EXT2: variants seen among roughly 807,000 people sequenced by gnomAD.
EXT2 encodes exostosin-2.
A neutral mutation model predicts 81.6 loss-of-function variants in EXT2; 53 were observed. That is an observed-to-expected ratio of 0.65 (90% CI 0.52 to 0.82). The LOEUF is 0.82. Ranked by LOEUF, EXT2 falls within the 40% of genes least tolerant of loss-of-function variation. The pLI, the probability that EXT2 is intolerant of heterozygous loss-of-function variation, is 0.00. For synonymous variants in EXT2, 320 were observed against 340.0 expected (o/e 0.94, Z 0.65); for missense variants, 774 against 910.2 (o/e 0.85, Z 1.93).
intron 7 of EXT2, 123 bp from the exon 8 acceptor site, chr11:44,171,487 AC>A (rs1269888041): frequency 2.8e-6 from 4 of 1,436,956 alleles, no homozygotes; most frequent in Non-Finnish European, 3.9e-6. Flanking sequence ...TGCCCTAGGC[AC>A]CCCCATCCCT....
chr11:44,119,159 T>TACATATATAC (rs1565201246), intron 4 of EXT2, among the ~76,000 whole-genome samples: 1 of 44,386 alleles, frequency 2.3e-5, no homozygotes, highest in Non-Finnish European at 5.4e-5. Flanking sequence ...TATATATATA[T>TACATATATAC]ATATATATAT....
rs578118881 is a variant in EXT2 at position 44,171,045 on chromosome 11, T to G, written c.1174-566T>G. Among the ~76,000 whole-genome samples, 3 of 152,328 alleles carry G rather than the reference T, an allele frequency of 2.0e-5. No individual in the cohort carries two copies. The East Asian group carries it at 5.8e-4, about 29-fold the overall frequency. Reference sequence around the variant, plus strand: ...CATAACCTGACTTAGATATTATAAGTGTTGAGCAAAACAAATCAGACACAG... The same window carrying G: ...CATAACCTGACTTAGATATTATAAGGGTTGAGCAAAACAAATCAGACACAG... On this transcript the variant is annotated intron_variant, in intron 7 of 13. Transcript: ENST00000533608.
intron 2 of EXT2, among the ~76,000 whole-genome samples, chr11:44,108,826 A>G (rs867226958): frequency 6.6e-6 from 1 of 152,134 alleles, no homozygotes; most frequent in African/African-American, 2.4e-5. Context: ...ATGTTCTTTT[A>G]CTATATAACT....
chr11:44,115,577 C>T (rs993038761), intron 4 of EXT2, among the ~76,000 whole-genome samples: 12 of 152,078 alleles, frequency 7.9e-5, no homozygotes, highest in Non-Finnish European at 1.5e-4. Context: ...TGGAAGTGCT[C>T]AGAAGCAGAG....
Position 44,126,875 on chromosome 11 carries a change from T to C in EXT2, c.999T>C (p.Asp333=), listed in dbSNP as rs61733300. The change falls in exon 6 of 14, where the codon GAT becomes GAC. Residue 333 remains aspartate (D), a synonymous_variant. Transcript: ENST00000533608. ...GARLGQAVLS[D]VLQAGCVPVV... ...GGCTGGGCCAGGCAGTATTGAGCGA[T>C]GTGTTACAAGCTGGCTGTGTCCCGG... is the stretch of plus-strand genomic sequence containing the variant. 3.1e-3 allele frequency: 5,014 copies of C among 1,614,210 alleles called. 78 individuals are homozygous for C. In the African/African-American group the frequency reaches 0.04, roughly 13 times the overall value.
chr11:44,190,478 T>A lies in EXT2; in HGVS notation c.1306-7351T>A, dbSNP rs534726650. 3.3e-5 allele frequency among the ~76,000 whole-genome samples: 5 copies of A among 152,342 alleles called. No individual in the cohort carries two copies. The East Asian group carries it at 7.7e-4, about 24-fold the overall frequency. Reference sequence around the variant, plus strand: ...TCCTCTTCTCTTCCTTTCTTCTCTGTCTTCTCATTTTTCTGTTTAGGCAAA... The same window carrying A: ...TCCTCTTCTCTTCCTTTCTTCTCTGACTTCTCATTTTTCTGTTTAGGCAAA... On this transcript the variant is annotated intron_variant, in intron 8 of 13. Coordinates refer to ENST00000533608, the MANE Select transcript of EXT2 (RefSeq NM_207122.2).
In EXT2 at chr11:44,244,510, T is replaced by G. The variant is rs2135284878; in HGVS notation, c.*223T>G. 5.4e-6 allele frequency: 3 copies of G among 550,594 alleles called. No homozygotes were observed. Among genetic ancestry groups the G allele is most frequent in the Non-Finnish European group, 6.5e-6 (2 of 306,536 alleles). The allele number at this position is 550,594 out of a possible 1,614,324, so 34.1% of individuals were successfully genotyped here. A position where few individuals can be genotyped will look rare whatever the true frequency, so the allele number is the denominator to read the frequency against. On this transcript the variant is annotated 3_prime_UTR_variant, in exon 14 of 14. Coordinates refer to ENST00000533608, the MANE Select transcript of EXT2 (RefSeq NM_207122.2). ...CTGTTCTTGTATTTCTTATGATCTC[T>G]GATGGGTTCTTCTCGAAAATGCCAA... is the stretch of plus-strand genomic sequence containing the variant.
chr11:44,105,021 G>C (rs1590544131), intron 1 of EXT2, among the ~76,000 whole-genome samples: 1 of 152,158 alleles, frequency 6.6e-6, no homozygotes, highest in South Asian at 2.1e-4. Context: ...TCTGGTCTTA[G>C]AGAGATATGA....
intron 2 of EXT2, among the ~76,000 whole-genome samples, chr11:44,108,759 CTT>C (rs1053827522): frequency 3.3e-5 from 5 of 152,160 alleles, no homozygotes; most frequent in Non-Finnish European, 5.9e-5. Context: ...AGTACATACT[CTT>C]TTGCTTTTTC....
intron 4 of EXT2, among the ~76,000 whole-genome samples, chr11:44,119,303 AC>A (rs1430593911): frequency 2.6e-5 from 4 of 151,844 alleles, no homozygotes; most frequent in East Asian, 3.9e-4. Context: ...AATTGTACTA[AC>A]GTCTGTGACT....
At chr11:44,166,179 C>A (rs556503215) in intron 7 of EXT2, among the ~76,000 whole-genome samples, 1 of 152,114 alleles carries the variant, frequency 6.6e-6, no homozygotes, top group Admixed American at 6.5e-5. Context: ...AATTATAGAA[C>A]AGTATATAAC....
chr11:44,175,947 A>G (rs766292644), intron 8 of EXT2, among the ~76,000 whole-genome samples: 1 of 152,194 alleles, frequency 6.6e-6, no homozygotes. Context: ...ATCTAAGATC[A>G]TTGGCAAGTT....
intron 7 of EXT2, among the ~76,000 whole-genome samples, chr11:44,167,749 A>G (rs1955013425): frequency 6.6e-6 from 1 of 152,224 alleles, no homozygotes; most frequent in South Asian, 2.1e-4. Flanking sequence ...TGACTCAGAT[A>G]TTGGAGTTTA....
At chr11:44,098,478 A>C (rs1015116775) in intron 1 of EXT2, among the ~76,000 whole-genome samples, 4 of 151,968 alleles carry the variant, frequency 2.6e-5, no homozygotes, top group Non-Finnish European at 5.9e-5. Flanking sequence ...GGATTACCTG[A>C]GGTCAGGAGT....
rs527412972 is a variant in EXT2, at chr11:44,121,548, T to C, written c.744-3241T>C. On this transcript the variant is annotated intron_variant, in intron 4 of 13. Coordinates refer to ENST00000533608, the MANE Select transcript of EXT2 (RefSeq NM_207122.2). ...ATCTTTACTTATTTGATCAACCCTC[T>C]TATATTCATCAAACTTCTGTTGCCC... Among the ~76,000 whole-genome samples, 18 of 152,152 alleles carry C rather than the reference T, an allele frequency of 1.2e-4. No individual in the cohort carries two copies. In the East Asian group the frequency reaches 3.5e-3, roughly 29 times the overall value.
chr11:44,212,965 G>GTC lies in EXT2; in HGVS notation c.1662+6007_1662+6008insCT, dbSNP rs1359716376. Reference sequence around the variant, plus strand: ...TGGAAATGTTTTATATTATGATATGGTGGTGGTTATATCATTATATACACT... The same window carrying GTC: ...TGGAAATGTTTTATATTATGATATGGTCTGGTGGTTATATCATTATATACACT... On this transcript the variant is annotated intron_variant, in intron 10 of 13. Transcript: ENST00000533608. 2.6e-5 allele frequency among the ~76,000 whole-genome samples: 4 copies of GTC among 152,170 alleles called. No individual in the cohort carries two copies. The East Asian group carries it at 7.7e-4, about 29-fold the overall frequency.
At chr11:44,108,922 C>T (rs1954100730) in intron 2 of EXT2, among the ~76,000 whole-genome samples, 1 of 152,072 alleles carries the variant, frequency 6.6e-6, no homozygotes, top group Non-Finnish European at 1.5e-5. Flanking sequence ...TTTCTTTAAC[C>T]AAATGGTGAA....
chr11:44,175,158 T>C (rs1007683670), intron 8 of EXT2, among the ~76,000 whole-genome samples: 4 of 152,140 alleles, frequency 2.6e-5, no homozygotes, highest in Non-Finnish European at 5.9e-5. Context: ...GTTTGAGAAA[T>C]GCAGATGAAA....
At chr11:44,134,023 C>T (rs1048026663) in intron 7 of EXT2, among the ~76,000 whole-genome samples, 1 of 152,194 alleles carries the variant, frequency 6.6e-6, no homozygotes, top group African/African-American at 2.4e-5. Flanking sequence ...TATAGTTAGA[C>T]TAAGACTTTT....
Sources: allele counts gnomAD v4.1 joint callset (sites outside exome capture counted in the v4.1 genomes callset), GRCh38; gene constraint gnomAD v4.1.1; transcripts MANE v1.5; gene names NCBI Gene and HGNC (gene_info 2026-07-23, HGNC 2026-07-21).